Variants in OSBPL1A observed in about 807,000 individuals in gnomAD.
OSBPL1A encodes the protein oxysterol-binding protein-related protein 1.
OSBPL1A carries 80 observed loss-of-function variants against 137.1 expected under a neutral mutation model. That is an observed-to-expected ratio of 0.58 (90% CI 0.49 to 0.70). The LOEUF is 0.70. OSBPL1A is among the 30% of genes least tolerant of loss of function. The probability of loss-of-function intolerance (pLI) is 0.00; values close to 1 mark genes in which losing one functional copy is unlikely to be tolerated. For missense variants in OSBPL1A, 970 were observed against 1,129.4 expected, an observed-to-expected ratio of 0.86 and a Z score of 2.02; for synonymous variants, 365 against 389.7, an observed-to-expected ratio of 0.94 and a Z score of 0.75.
At chr18:24,192,760 G>A (rs1275865564) in intron 18 of OSBPL1A, among the ~76,000 whole-genome samples, 2 of 152,184 alleles carry the variant, frequency 1.3e-5, no homozygotes, top group African/African-American at 4.8e-5. Flanking sequence ...AAGACAGAGT[G>A]AGACCTAGAC....
rs77885117 is a variant in OSBPL1A at position 24,346,157 on chromosome 18, C to T, written c.283-4499G>A. Among the ~76,000 whole-genome samples, 1,200 of 152,286 alleles carry T rather than the reference C, an allele frequency of 7.9e-3. 93 individuals carry two copies. The East Asian group carries it at 0.18, about 23-fold the overall frequency. On this transcript the variant is annotated intron_variant, in intron 4 of 27. Transcript: ENST00000319481. ...ACAAAGTTAACACAGCCGTGAATCA[C>T]GCTCCCAAATCGCCCCAGCTCCACT... is the stretch of plus-strand genomic sequence containing the variant.
In OSBPL1A at chr18:24,185,145, C is replaced by T. The variant is rs181397279; in HGVS notation, c.1678-3866G>A. Among the ~76,000 whole-genome samples, 258 of 151,864 alleles carry T rather than the reference C, an allele frequency of 1.7e-3. 1 individual carries two copies. The highest frequency in any genetic ancestry group is 6.1e-3 in the African/African-American group (252 of 41,406). ...AGACAGTAAAAAGGTCAGTGGTTGC[C>T]CAGGGTAAGGGGGAGGAATGAAAAG... On this transcript the variant is annotated intron_variant, in intron 18 of 27. Transcript: ENST00000319481.
chr18:24,357,727 A>G (rs2091560640), intron 4 of OSBPL1A: 1 of 152,218 alleles, frequency 6.6e-6, no homozygotes, highest in African/African-American at 2.4e-5. Context: ...TTGGTAAGAC[A>G]TATCTGATCC....
rs184438385 is a variant in OSBPL1A at position 24,285,830 on chromosome 18, G to T, written c.1175-4882C>A. On this transcript the variant is annotated intron_variant, in intron 14 of 27. Transcript: ENST00000319481. ...TAATGACTATATACATGAAAGACCT[G>T]ATCTAACCTAAATGATTGAAGTCCA... 4.5e-3 allele frequency among the ~76,000 whole-genome samples: 684 copies of T among 152,250 alleles called. 5 individuals carry two copies. The highest frequency in any genetic ancestry group is 0.016 in the African/African-American group (646 of 41,540).
At chr18:24,318,399 T>A (rs1474364034) in intron 9 of OSBPL1A, among the ~76,000 whole-genome samples, 1 of 151,790 alleles carries the variant, frequency 6.6e-6, no homozygotes, top group Non-Finnish European at 1.5e-5. Context: ...AGTATACCAC[T>A]GCACTCTAGC....
chr18:24,289,876 T>C (rs1359999223), intron 14 of OSBPL1A, among the ~76,000 whole-genome samples: 4 of 152,138 alleles, frequency 2.6e-5, no homozygotes, highest in Admixed American at 6.5e-5. Context: ...ATATACTGCA[T>C]AGGGCTGTTA....
chr18:24,178,094 C>A lies in OSBPL1A; in HGVS notation c.2012G>T (p.Gly671Val). 6.2e-7 allele frequency: 1 copy of A among 1,613,460 alleles called. No individual in the cohort carries two copies. The highest frequency in any genetic ancestry group is 8.5e-7 in the Non-Finnish European group (1 of 1,179,764). ...GAATTTCAGTTTGGGATAGATAGAG[C>A]CATGAAAGATGAAGTCATTGTTTAA... is the stretch of plus-strand genomic sequence containing the variant. ...EGLNNDFIFHGSIYPKLKFWG... is the reference protein window; with the variant it reads ...EGLNNDFIFHVSIYPKLKFWG... The change falls in exon 21 of 28, where the codon GGC becomes GTC. Residue 671 changes from glycine to valine, a missense_variant. By Grantham distance (109) the Gly-to-Val change is moderately radical. Transcript: ENST00000319481.
intron 13 of OSBPL1A, among the ~76,000 whole-genome samples, chr18:24,308,681 C>A (rs2090554919): frequency 6.6e-6 from 1 of 152,174 alleles, no homozygotes; most frequent in Non-Finnish European, 1.5e-5. Flanking sequence ...TATTCTATAT[C>A]TTCGCTGTCC....
chr18:24,199,907 T>C (rs2087165858), intron 17 of OSBPL1A, among the ~76,000 whole-genome samples: 1 of 152,006 alleles, frequency 6.6e-6, no homozygotes, highest in Admixed American at 6.6e-5. Context: ...AACAAAGAAT[T>C]ACCCACCTAC....
At chr18:24,250,966 G>A (rs1017541850) in intron 15 of OSBPL1A, among the ~76,000 whole-genome samples, 1 of 152,174 alleles carries the variant, frequency 6.6e-6, no homozygotes, top group Non-Finnish European at 1.5e-5. Flanking sequence ...GCAGTGGCCT[G>A]GCAGAGCTCC....
intron 11 of OSBPL1A, 66 bp from the exon 12 acceptor site, chr18:24,314,413 T>G: frequency 1.8e-6 from 2 of 1,083,726 alleles, no homozygotes; most frequent in Non-Finnish European, 2.7e-6. Context: ...AAATTATCTA[T>G]ACATAAAATT....
At chr18:24,334,587 G>A (rs373494429) in intron 5 of OSBPL1A, among the ~76,000 whole-genome samples, 6 of 152,186 alleles carry the variant, frequency 3.9e-5, no homozygotes, top group African/African-American at 1.4e-4. Flanking sequence ...ACTAATTATG[G>A]ATTACTTTTA....
chr18:24,298,390 A>G (rs1047573717), intron 14 of OSBPL1A, among the ~76,000 whole-genome samples: 4 of 152,182 alleles, frequency 2.6e-5, no homozygotes, highest in African/African-American at 4.8e-5. Flanking sequence ...TCTGTCACCC[A>G]GGCTGGAGTG....
intron 18 of OSBPL1A, among the ~76,000 whole-genome samples, chr18:24,186,222 T>C (rs1414085343): frequency 6.6e-6 from 1 of 152,080 alleles, no homozygotes; most frequent in Non-Finnish European, 1.5e-5. Flanking sequence ...GCAAAAAAAG[T>C]ACAGAAGAAT....
chr18:24,179,630 G>A lies in OSBPL1A; in HGVS notation c.1910+108C>T, dbSNP rs575024287. ...TATCCTAGAAACAAACATCAAAATT[G>A]TTAACTTGCTCCAGTCCTATATAAT... On this transcript the variant is annotated intron_variant, in intron 20 of 27. Coordinates refer to ENST00000319481, the MANE Select transcript of OSBPL1A (RefSeq NM_080597.4). The A allele has an allele frequency of 6.8e-5, 60 of 883,528 alleles. 1 individual carries two copies. In the East Asian group the frequency reaches 8.0e-4, roughly 12 times the overall value. 54.7% of individuals were successfully genotyped at this position (883,528 alleles called of 1,614,324 possible). A position where few individuals can be genotyped will look rare whatever the true frequency, so the allele number is the denominator to read the frequency against.
chr18:24,204,112 C>T (rs1364449128), intron 17 of OSBPL1A, among the ~76,000 whole-genome samples: 2 of 152,206 alleles, frequency 1.3e-5, no homozygotes, highest in African/African-American at 4.8e-5. Flanking sequence ...ACAGATGCGG[C>T]CAGACTGCTT....
At chr18:24,309,567 G>T (rs949772465) in intron 13 of OSBPL1A, among the ~76,000 whole-genome samples, 4 of 152,168 alleles carry the variant, frequency 2.6e-5, no homozygotes, top group Non-Finnish European at 5.9e-5. Context: ...CCCTTAGAAT[G>T]TCTATAGGTA....
rs144745925 is a variant in OSBPL1A at position 24,390,532 on chromosome 18, T to G, written c.-3+7123A>C. Among the ~76,000 whole-genome samples, 1,257 of 149,878 alleles carry G rather than the reference T, an allele frequency of 8.4e-3. 19 individuals carry two copies. The highest frequency in any genetic ancestry group is 0.03 in the African/African-American group (1,231 of 40,810). The stretch of plus-strand genomic sequence containing the variant: ...CAGACCACGGAAACCCCACCTCTAT[T>G]AAAAATACAAAAATTAGCTGGGCAT... On this transcript the variant is annotated intron_variant, in intron 1 of 27. Transcript: ENST00000319481.
intron 17 of OSBPL1A, among the ~76,000 whole-genome samples, chr18:24,220,467 G>C (rs1349949608): frequency 6.6e-6 from 1 of 152,132 alleles, no homozygotes; most frequent in African/African-American, 2.4e-5. Context: ...AGGGAGCCGG[G>C]AGATAAAAGG....
Sources: gnomAD v4.1 joint callset for allele counts (sites outside exome capture counted in the v4.1 genomes callset) on GRCh38, gnomAD v4.1.1 for gene constraint, MANE v1.5 for transcripts, NCBI Gene and HGNC (gene_info 2026-07-23, HGNC 2026-07-21) for gene names.